DISC1: variants seen among roughly 807,000 people sequenced by gnomAD.
DISC1 encodes DISC1 scaffold protein.
A neutral mutation model predicts 84.5 loss-of-function variants in DISC1; 57 were observed. The observed-to-expected ratio is 0.67, with a 90% CI of 0.55 to 0.84. The LOEUF (loss-of-function observed/expected upper bound fraction) is 0.84, where lower values mean the gene tolerates loss of function less well. DISC1 is among the 40% of genes least tolerant of loss of function. The probability of loss-of-function intolerance (pLI) is 0.00; values close to 1 mark genes in which losing one functional copy is unlikely to be tolerated. For missense variants in DISC1, 1,000 were observed against 1,057.8 expected (o/e 0.95, Z 0.76); for synonymous variants, 411 against 415.2 (o/e 0.99, Z 0.12).
chr1:231,932,392 C>T (rs1364134490), intron 9 of DISC1, among the ~76,000 whole-genome samples: 2 of 152,172 alleles, frequency 1.3e-5, no homozygotes, highest in Admixed American at 6.5e-5. Flanking sequence ...CTATTAATAG[C>T]TCCTATTGAG....
chr1:231,953,227 T>C (rs1658805026), intron 9 of DISC1, among the ~76,000 whole-genome samples: 1 of 152,236 alleles, frequency 6.6e-6, no homozygotes, highest in Non-Finnish European at 1.5e-5. Context: ...GGGTCTCCAA[T>C]GTGACAGTCA....
chr1:232,013,789 G>T (rs1001694038), intron 11 of DISC1, among the ~76,000 whole-genome samples: 4 of 152,104 alleles, frequency 2.6e-5, no homozygotes, highest in African/African-American at 9.7e-5. Context: ...TCCTCTAAAT[G>T]GAGGGCCTTC....
At chr1:231,734,430 T>C (rs1298479023) in intron 3 of DISC1, among the ~76,000 whole-genome samples, 1 of 152,138 alleles carries the variant, frequency 6.6e-6, no homozygotes, top group Admixed American at 6.5e-5. Flanking sequence ...TTTTCTGTGT[T>C]GTCTATAAAC....
intron 9 of DISC1, among the ~76,000 whole-genome samples, chr1:231,889,576 A>ACCCTT (rs901727057): frequency 2.0e-4 from 30 of 152,200 alleles, no homozygotes; most frequent in Middle Eastern, 3.4e-3. Flanking sequence ...CTTTAGGAGC[A>ACCCTT]CCCTTCCCAG....
At chr1:231,650,411 A>G (rs1016489872) in intron 1 of DISC1, among the ~76,000 whole-genome samples, 5 of 152,200 alleles carry the variant, frequency 3.3e-5, no homozygotes, top group Non-Finnish European at 5.9e-5. Context: ...TCTGGCTTGT[A>G]GAGTTTCTGC....
chr1:231,982,430 A>G (rs1391089423), intron 10 of DISC1, among the ~76,000 whole-genome samples: 2 of 148,954 alleles, frequency 1.3e-5, no homozygotes, highest in East Asian at 2.0e-4. Context: ...TCTTTACATC[A>G]TTATTTACTT....
intron 10 of DISC1, among the ~76,000 whole-genome samples, chr1:232,006,489 C>A (rs1468637293): frequency 6.6e-6 from 1 of 151,834 alleles, no homozygotes; most frequent in South Asian, 2.1e-4. Flanking sequence ...CTAGAGATCT[C>A]GGGAACTTTG....
chr1:231,898,355 G>T (rs1408964301), intron 9 of DISC1, among the ~76,000 whole-genome samples: 1 of 152,156 alleles, frequency 6.6e-6, no homozygotes, highest in African/African-American at 2.4e-5. Flanking sequence ...CAGTTCTGGA[G>T]TCCATGCAGC....
At chr1:231,726,344 A>G (rs2070696944) in intron 3 of DISC1, among the ~76,000 whole-genome samples, 2 of 152,176 alleles carry the variant, frequency 1.3e-5, no homozygotes, top group Non-Finnish European at 2.9e-5. Flanking sequence ...GTGGGCAGTG[A>G]TGAGCTGCAG....
chr1:231,674,249 A>AT lies in DISC1; in HGVS notation c.68-19566dup, dbSNP rs113568322. On this transcript the variant is annotated intron_variant, in intron 1 of 12. Coordinates refer to ENST00000439617, the MANE Select transcript of DISC1 (RefSeq NM_018662.3). Reference sequence around the variant, plus strand: ...GTCAGATTTGTCAAGCTAGTTTTTGATTTTTTTTTTTCCAATCCCTCTCTG... The same window carrying AT: ...GTCAGATTTGTCAAGCTAGTTTTTGATTTTTTTTTTTTCCAATCCCTCTCTG... 3.4e-3 allele frequency among the ~76,000 whole-genome samples: 500 copies of AT among 148,696 alleles called. 1 individual carries two copies. Among genetic ancestry groups the AT allele is most frequent in the Admixed American group, 7.2e-3 (107 of 14,870 alleles).
chr1:231,822,093 C>CTTT (rs1455459285), intron 9 of DISC1, among the ~76,000 whole-genome samples: 1 of 152,082 alleles, frequency 6.6e-6, no homozygotes, highest in Non-Finnish European at 1.5e-5. Context: ...CTGTATTGTA[C>CTTT]TTTATTAATA....
chr1:231,778,393 C>G (rs2125508021), intron 6 of DISC1, among the ~76,000 whole-genome samples: 1 of 152,274 alleles, frequency 6.6e-6, no homozygotes, highest in Non-Finnish European at 1.5e-5. Context: ...AAATAAGCTG[C>G]CTAAAAACCC....
chr1:231,700,961 A>G (rs1028123088), intron 2 of DISC1, among the ~76,000 whole-genome samples: 6 of 152,212 alleles, frequency 3.9e-5, no homozygotes, highest in Admixed American at 6.5e-5. Context: ...CCAAGAATTC[A>G]TTGTCAGTAA....
At chr1:231,865,911 C>CT (rs2085023695) in intron 9 of DISC1, among the ~76,000 whole-genome samples, 1 of 152,268 alleles carries the variant, frequency 6.6e-6, no homozygotes, top group East Asian at 1.9e-4. Context: ...AAGCATTAGA[C>CT]TTTTTTGTAT....
intron 1 of DISC1, among the ~76,000 whole-genome samples, chr1:231,692,649 C>G (rs1464930760): frequency 1.3e-5 from 2 of 152,234 alleles, no homozygotes; most frequent in African/African-American, 4.8e-5. Flanking sequence ...GGTATGATTA[C>G]AGCTGTGCCT....
Position 232,009,404 on chromosome 1 carries a change from C to A in DISC1, c.2307+355C>A. 1 of 702,740 alleles carries A rather than the reference C, an allele frequency of 1.4e-6. No homozygotes were observed. Among genetic ancestry groups the A allele is most frequent in the Non-Finnish European group, 1.8e-6 (1 of 564,492 alleles). 43.5% of individuals were successfully genotyped at this position (702,740 alleles called of 1,614,324 possible). ...TTCACTATAGATTATATATGCCATACATGATATTTAACATATATACTATAC... is the reference window on the plus strand; with the variant it reads ...TTCACTATAGATTATATATGCCATAAATGATATTTAACATATATACTATAC... On this transcript the variant is annotated intron_variant, in intron 11 of 12. Coordinates refer to ENST00000439617, the MANE Select transcript of DISC1 (RefSeq NM_018662.3). This position sits in a 1 kb window ranked among gnomAD's most constrained non-coding sequence, Gnocchi z 4.6.
intron 9 of DISC1, among the ~76,000 whole-genome samples, chr1:231,942,271 C>T (rs2091389027): frequency 6.6e-6 from 1 of 152,166 alleles, no homozygotes. Context: ...TAAGAGGGAA[C>T]CTGCTGGGTG....
chr1:232,035,686 T>C (rs1259343645), intron 12 of DISC1, among the ~76,000 whole-genome samples: 1 of 152,184 alleles, frequency 6.6e-6, no homozygotes, highest in Non-Finnish European at 1.5e-5. Context: ...ATATTTCTAC[T>C]TTCTCCCTTG....
intron 10 of DISC1, among the ~76,000 whole-genome samples, chr1:231,978,647 T>G (rs1663163536): frequency 6.6e-6 from 1 of 152,206 alleles, no homozygotes; most frequent in African/African-American, 2.4e-5. Context: ...AAGTTATTCT[T>G]TTTCAAATTG....
Sources: allele counts gnomAD v4.1 joint callset (sites outside exome capture counted in the v4.1 genomes callset), GRCh38; gene constraint gnomAD v4.1.1; non-coding constraint Gnocchi (gnomAD v3.1); transcripts MANE v1.5; gene names NCBI Gene and HGNC (gene_info 2026-07-23, HGNC 2026-07-21).